Variants in SLC35F1 observed in about 807,000 individuals in gnomAD.
The protein encoded by SLC35F1 is solute carrier family 35 member F1.
SLC35F1 carries 14 observed loss-of-function variants against 48.7 expected under a neutral mutation model. That is an observed-to-expected ratio of 0.29 (90% CI 0.19 to 0.45). The LOEUF is 0.45. SLC35F1 is among the 20% of genes least tolerant of loss of function. SLC35F1 has a pLI of 1.00. For missense variants in SLC35F1, 404 were observed against 500.0 expected (o/e 0.81, Z 1.83); for synonymous variants, 190 against 202.2 (o/e 0.94, Z 0.51).
At chr6:118,223,494 T>C (rs1176624877) in intron 2 of SLC35F1, among the ~76,000 whole-genome samples, 1 of 152,168 alleles carries the variant, frequency 6.6e-6, no homozygotes, top group Non-Finnish European at 1.5e-5. Context: ...CTTTAACAGG[T>C]CTCTCTGGCT....
chr6:118,266,355 A>C (rs1775773387), intron 3 of SLC35F1, among the ~76,000 whole-genome samples: 1 of 152,084 alleles, frequency 6.6e-6, no homozygotes, highest in Non-Finnish European at 1.5e-5. Flanking sequence ...TACTCTATTC[A>C]ACTTTCTTTA....
At chr6:117,909,547 A>G (rs1486773498) in intron 1 of SLC35F1, among the ~76,000 whole-genome samples, 1 of 152,158 alleles carries the variant, frequency 6.6e-6, no homozygotes. Context: ...CTTGGCCAGT[A>G]GCTAGACAAG....
At chr6:118,087,587 A>G (rs1426262722) in intron 1 of SLC35F1, among the ~76,000 whole-genome samples, 1 of 152,106 alleles carries the variant, frequency 6.6e-6, no homozygotes, top group East Asian at 1.9e-4. Flanking sequence ...TGCTCTTGCT[A>G]GGCTCAGCCC....
At chr6:118,120,042 T>C (rs781217113) in intron 1 of SLC35F1, among the ~76,000 whole-genome samples, 20 of 152,178 alleles carry the variant, frequency 1.3e-4, no homozygotes, top group Non-Finnish European at 2.5e-4. Context: ...CTGATTTGAC[T>C]ACCAATATAA....
intron 1 of SLC35F1, among the ~76,000 whole-genome samples, chr6:118,067,590 G>A (rs1297995026): frequency 6.6e-6 from 1 of 152,144 alleles, no homozygotes; most frequent in Non-Finnish European, 1.5e-5. Context: ...ATTTCAAGAG[G>A]GGTAATGGTT....
chr6:118,039,090 T>C (rs1319825480), intron 1 of SLC35F1, among the ~76,000 whole-genome samples: 1 of 152,206 alleles, frequency 6.6e-6, no homozygotes, highest in Non-Finnish European at 1.5e-5. Flanking sequence ...GAAGAAAATG[T>C]CTTTATTTTG....
chr6:118,082,540 G>C (rs1290728608), intron 1 of SLC35F1, among the ~76,000 whole-genome samples: 1 of 151,654 alleles, frequency 6.6e-6, no homozygotes, highest in Non-Finnish European at 1.5e-5. Context: ...GCTTCTTTTA[G>C]TTACAAGTAA....
chr6:118,080,877 A>G (rs971972426), intron 1 of SLC35F1, among the ~76,000 whole-genome samples: 1 of 152,164 alleles, frequency 6.6e-6, no homozygotes, highest in African/African-American at 2.4e-5. Flanking sequence ...AGAAAAAGCT[A>G]ATGAAGAAAT....
At chr6:118,294,593 C>T (rs905638326) in intron 7 of SLC35F1, among the ~76,000 whole-genome samples, 4 of 152,024 alleles carry the variant, frequency 2.6e-5, no homozygotes, top group South Asian at 2.1e-4. Context: ...ATGTTATTTT[C>T]GTAACTTTAT....
At chr6:117,936,558 G>A (rs541769109) in intron 1 of SLC35F1, among the ~76,000 whole-genome samples, 43 of 152,202 alleles carry the variant, frequency 2.8e-4, no homozygotes, top group Non-Finnish European at 5.7e-4. Context: ...TGTCAGTCTC[G>A]AAATCCATAA....
At chr6:118,289,965 TAGACA>T (rs1336389704) in intron 7 of SLC35F1, among the ~76,000 whole-genome samples, 1 of 152,216 alleles carries the variant, frequency 6.6e-6, no homozygotes, top group Non-Finnish European at 1.5e-5. Flanking sequence ...GTTGATATTT[TAGACA>T]AGACAATTGT....
intron 1 of SLC35F1, among the ~76,000 whole-genome samples, chr6:118,059,509 G>C (rs770795811): frequency 1.2e-4 from 19 of 152,200 alleles, no homozygotes; most frequent in Non-Finnish European, 2.1e-4. Flanking sequence ...ACCAGGTTAT[G>C]TTGTGGTAAC....
At chr6:118,063,368 T>A (rs1210413933) in intron 1 of SLC35F1, among the ~76,000 whole-genome samples, 1 of 152,098 alleles carries the variant, frequency 6.6e-6, no homozygotes, top group Non-Finnish European at 1.5e-5. Context: ...TCAAGACTCA[T>A]CTCTGTGAAT....
intron 1 of SLC35F1, among the ~76,000 whole-genome samples, chr6:117,923,594 T>TATATGTACATATGTACATATATAC (rs1562238379): frequency 1.5e-4 from 5 of 32,700 alleles, no homozygotes; most frequent in African/African-American, 4.4e-4. Context: ...TATATATACA[T>TATATGTACATATGTACATATATAC]ATGTGTATAT....
At chr6:118,114,011 G>A (rs1326044525) in intron 1 of SLC35F1, among the ~76,000 whole-genome samples, 3 of 152,136 alleles carry the variant, frequency 2.0e-5, no homozygotes, top group Admixed American at 1.3e-4. Context: ...CTGCAATAAT[G>A]GAGTAAAAAT....
chr6:118,164,886 C>T (rs1486601768), intron 2 of SLC35F1, among the ~76,000 whole-genome samples: 1 of 152,182 alleles, frequency 6.6e-6, no homozygotes, highest in Non-Finnish European at 1.5e-5. Context: ...CTTACCACTT[C>T]AGTGGCCACT....
At chr6:118,085,808 G>A (rs528617408) in intron 1 of SLC35F1, among the ~76,000 whole-genome samples, 1 of 152,194 alleles carries the variant, frequency 6.6e-6, no homozygotes, top group Admixed American at 6.5e-5. Context: ...CAAACTTGTG[G>A]AAATTTAAGC....
At chr6:117,979,227 G>T (rs537185753) in intron 1 of SLC35F1, among the ~76,000 whole-genome samples, 1 of 152,288 alleles carries the variant, frequency 6.6e-6, no homozygotes, top group East Asian at 1.9e-4. Context: ...TGTCAAAAAA[G>T]CTTCAGTTAA....
At chr6:117,948,216 G>T (rs1397869772) in intron 1 of SLC35F1, among the ~76,000 whole-genome samples, 1 of 152,178 alleles carries the variant, frequency 6.6e-6, no homozygotes, top group Non-Finnish European at 1.5e-5. Flanking sequence ...TAAGTGCATG[G>T]AGGTTGGGGT....
Sources: gnomAD v4.1 joint callset for allele counts (sites outside exome capture counted in the v4.1 genomes callset) on GRCh38, gnomAD v4.1.1 for gene constraint, MANE v1.5 for transcripts, NCBI Gene and HGNC (gene_info 2026-07-23, HGNC 2026-07-21) for gene names.